The following ITPRID1 variants were observed in gnomAD, a reference collection of about 807,000 sequenced individuals.
ITPRID1 encodes the protein ITPR interacting domain containing 1.
Under a neutral mutation model 95.4 loss-of-function variants are expected in ITPRID1, and 96 were observed. The ratio of observed to expected loss-of-function variants is 1.01; its 90% CI spans 0.85 to 1.19. ITPRID1 has a LOEUF of 1.19. Among genes scored for constraint, ITPRID1 ranks in the 50% most tolerant of loss-of-function variants. The pLI is 0.00. For missense variants in ITPRID1, 1,339 were observed against 1,252.9 expected, an observed-to-expected ratio of 1.07 and a Z score of -1.04; for synonymous variants, 510 against 453.6, an observed-to-expected ratio of 1.12 and a Z score of -1.58.
intron 10 of ITPRID1, among the ~76,000 whole-genome samples, chr7:31,637,372 A>G (rs957239819): frequency 1.9e-4 from 29 of 152,024 alleles, no homozygotes; most frequent in African/African-American, 5.6e-4. Context: ...AAGTGTTCCT[A>G]TTTCTCCACA....
chr7:31,657,274 C>T (rs757115895), downstream of ITPRID1, among the ~76,000 whole-genome samples: 10 of 144,164 alleles, frequency 6.9e-5, no homozygotes, highest in Non-Finnish European at 1.2e-4. Context: ...TTTGTTAAAT[C>T]AATGGTTTGT....
chr7:31,528,259 T>C (rs1198983503), intron 1 of ITPRID1, among the ~76,000 whole-genome samples: 1 of 152,182 alleles, frequency 6.6e-6, no homozygotes, highest in Non-Finnish European at 1.5e-5. Flanking sequence ...TGAGGTTGTT[T>C]ATGTGTGTAT....
intron 1 of ITPRID1, chr7:31,517,366 C>T (rs1171846194): frequency 2.0e-5 from 3 of 152,508 alleles, no homozygotes; most frequent in African/African-American, 7.2e-5. Context: ...AAGTCCCCAT[C>T]CTCCCAGAAA....
intron 10 of ITPRID1, among the ~76,000 whole-genome samples, chr7:31,639,988 C>T (rs567683132): frequency 1.3e-5 from 2 of 152,004 alleles, no homozygotes; most frequent in Admixed American, 6.6e-5. Flanking sequence ...TAATATATGC[C>T]ACACATTTGG....
chr7:31,533,002 T>G (rs540835574), intron 1 of ITPRID1, among the ~76,000 whole-genome samples: 1 of 152,358 alleles, frequency 6.6e-6, no homozygotes, highest in South Asian at 2.1e-4. Context: ...CTTTATCAGG[T>G]TTGGGTATCA....
chr7:31,616,208 A>G (rs1398987841), intron 10 of ITPRID1, among the ~76,000 whole-genome samples: 1 of 151,372 alleles, frequency 6.6e-6, no homozygotes, highest in Non-Finnish European at 1.5e-5. Context: ...AACATCTTAA[A>G]TTGACCATGG....
Position 31,651,244 on chromosome 7 carries a change from T to C in ITPRID1, c.2686T>C (p.Ser896Pro). 2 of 1,613,438 alleles carry C rather than the reference T, an allele frequency of 1.2e-6. No homozygotes were observed. Among genetic ancestry groups the C allele is most frequent in the Non-Finnish European group, 1.7e-6 (2 of 1,179,552 alleles). ...CCTTATGGGACAGCAGGCCCTCTTT[T>C]CCAGGGACATGTCAGAGGAGGAAAG... is the stretch of plus-strand genomic sequence containing the variant. ...QHLMGQQALF[S>P]RDMSEEEREE... Residue 896 changes from serine to proline, a missense_variant, in exon 13 of 15, where the codon TCC (serine) becomes CCC (proline). By Grantham distance (74) the Ser-to-Pro change is moderately conservative (BLOSUM62 -1). Transcript: ENST00000615280.
At position 31,650,615 on chromosome 7, in the gene ITPRID1, G is replaced by A. The variant is rs189374688; in HGVS notation, c.2584-527G>A. The stretch of plus-strand genomic sequence containing the variant: ...AGGGTGGGCTTGTTAGGTGGATGAA[G>A]CTGATCCTGCAGATTCCAACCTCCA... On this transcript the variant is annotated intron_variant, in intron 12 of 14. Transcript: ENST00000615280. 2.0e-5 allele frequency among the ~76,000 whole-genome samples: 3 copies of A among 152,274 alleles called. No homozygotes were observed. The East Asian group carries it at 5.8e-4, about 29-fold the overall frequency.
chr7:31,558,320 C>A (rs543100975), intron 5 of ITPRID1, among the ~76,000 whole-genome samples: 1 of 152,250 alleles, frequency 6.6e-6, no homozygotes, highest in East Asian at 1.9e-4. Flanking sequence ...GGCTAAGATA[C>A]CCCATCCACA....
At chr7:31,593,658 G>A (rs1227059573) in intron 10 of ITPRID1, among the ~76,000 whole-genome samples, 1 of 152,094 alleles carries the variant, frequency 6.6e-6, no homozygotes, top group Non-Finnish European at 1.5e-5. Flanking sequence ...GTGACCTGAC[G>A]ATACCTCAAA....
intron 10 of ITPRID1, among the ~76,000 whole-genome samples, chr7:31,630,918 A>C (rs1050138149): frequency 6.6e-6 from 1 of 152,202 alleles, no homozygotes; most frequent in Non-Finnish European, 1.5e-5. Flanking sequence ...AATGTATGAA[A>C]TAAGACCAAA....
intron 3 of ITPRID1, 128 bp from the exon 4 acceptor site, chr7:31,554,347 T>C (rs1784378887): frequency 7.3e-7 from 1 of 1,376,230 alleles, no homozygotes. Context: ...AAAATGAATA[T>C]GCTTATGGAA....
chr7:31,612,376 T>G (rs1319766328), intron 10 of ITPRID1, among the ~76,000 whole-genome samples: 1 of 152,104 alleles, frequency 6.6e-6, no homozygotes, highest in Admixed American at 6.6e-5. Flanking sequence ...TGTTTTGTTT[T>G]TGTGTGTGTG....
chr7:31,633,396 A>C (rs564019254), intron 10 of ITPRID1, among the ~76,000 whole-genome samples: 1 of 152,342 alleles, frequency 6.6e-6, no homozygotes, highest in South Asian at 2.1e-4. Context: ...CTTGTCACCA[A>C]AAGTGAGTAA....
At chr7:31,517,663 C>A (rs1044617257) in intron 1 of ITPRID1, 4 of 152,648 alleles carry the variant, frequency 2.6e-5, no homozygotes, top group Non-Finnish European at 2.9e-5. Context: ...GAGGTCCGTG[C>A]GCAGCCCCGG....
At chr7:31,601,343 G>T (rs1318968790) in intron 10 of ITPRID1, among the ~76,000 whole-genome samples, 1 of 152,152 alleles carries the variant, frequency 6.6e-6, no homozygotes, top group Non-Finnish European at 1.5e-5. Context: ...CTTTGGAGGT[G>T]AATTCTGGTT....
chr7:31,615,313 G>GGTAA (rs1787103516), intron 10 of ITPRID1, among the ~76,000 whole-genome samples: 1 of 152,052 alleles, frequency 6.6e-6, no homozygotes, highest in Non-Finnish European at 1.5e-5. Flanking sequence ...TGTAATCTAC[G>GGTAA]GTAAGTTATT....
intron 10 of ITPRID1, among the ~76,000 whole-genome samples, chr7:31,641,022 T>A (rs1448039647): frequency 6.6e-6 from 1 of 152,164 alleles, no homozygotes; most frequent in Admixed American, 6.5e-5. Flanking sequence ...AGCTGGGGTT[T>A]GGGCTGGGTT....
Position 31,621,712 on chromosome 7 carries a change from A to T in ITPRID1, c.1229-20464A>T, listed in dbSNP as rs571345857. 4.1e-5 allele frequency among the ~76,000 whole-genome samples: 6 copies of T among 146,496 alleles called. No individual in the cohort carries two copies. The East Asian group carries it at 9.8e-4, about 24-fold the overall frequency. The stretch of plus-strand genomic sequence containing the variant: ...AACTGCATCAACTAACGAGCAAAAT[A>T]ACCAGCTAACATCATAATGACAGGA... On this transcript the variant is annotated intron_variant, in intron 10 of 14. Transcript: ENST00000615280.
Sources: allele counts gnomAD v4.1 joint callset (sites outside exome capture counted in the v4.1 genomes callset), GRCh38; gene constraint gnomAD v4.1.1; transcripts MANE v1.5; gene names NCBI Gene and HGNC (gene_info 2026-07-23, HGNC 2026-07-21).